The following RPS6KC1 variants were observed in gnomAD, a reference collection of about 807,000 sequenced individuals.
The protein encoded by RPS6KC1 is inactive ribosomal protein S6 kinase delta-1.
In RPS6KC1, 54 loss-of-function variants were observed where a neutral mutation model predicts 103.8. The ratio of observed to expected loss-of-function variants is 0.52; its 90% CI spans 0.42 to 0.65. RPS6KC1 has a LOEUF of 0.65. RPS6KC1 is among the 30% of genes least tolerant of loss of function. The pLI, the probability that RPS6KC1 is intolerant of heterozygous loss-of-function variation, is 0.00. For synonymous variants in RPS6KC1, 439 were observed against 438.7 expected, an observed-to-expected ratio of 1.00 and a Z score of -0.01; for missense variants, 1,151 against 1,253.8, an observed-to-expected ratio of 0.92 and a Z score of 1.24.
chr1:213,359,019 G>A, the RPS6KC1 span, among the ~76,000 whole-genome samples: 1 of 152,224 alleles, frequency 6.6e-6, no homozygotes, highest in Non-Finnish European at 1.5e-5. Flanking sequence ...ATGCTGAGAA[G>A]AATGTATATT....
chr1:213,511,651 C>A, the RPS6KC1 span, among the ~76,000 whole-genome samples: 13 of 152,298 alleles, frequency 8.5e-5, no homozygotes, highest in African/African-American at 2.4e-4. Flanking sequence ...TCTCCCTTCT[C>A]CAGCTATGCA....
At chr1:213,745,079 T>A in the RPS6KC1 span, among the ~76,000 whole-genome samples, 1 of 152,246 alleles carries the variant, frequency 6.6e-6, no homozygotes, top group Admixed American at 6.5e-5. Flanking sequence ...TTTCAGCTAA[T>A]AAGATCCTCT....
At chr1:213,390,556 T>C in the RPS6KC1 span, among the ~76,000 whole-genome samples, 1 of 152,220 alleles carries the variant, frequency 6.6e-6, no homozygotes, top group Admixed American at 6.5e-5. Flanking sequence ...TGCAAAACTC[T>C]GGTGGGACAT....
At chr1:213,599,716 C>A in the RPS6KC1 span, among the ~76,000 whole-genome samples, 1 of 152,108 alleles carries the variant, frequency 6.6e-6, no homozygotes, top group Non-Finnish European at 1.5e-5. Context: ...CCAATTGTGG[C>A]GTTTCTTGAT....
At chr1:213,400,587 G>T in the RPS6KC1 span, among the ~76,000 whole-genome samples, 1 of 152,068 alleles carries the variant, frequency 6.6e-6, no homozygotes, top group African/African-American at 2.4e-5. Context: ...GGTGACTTGC[G>T]CAAGGTCCTA....
chr1:213,565,501 G>A, the RPS6KC1 span, among the ~76,000 whole-genome samples: 3 of 152,254 alleles, frequency 2.0e-5, no homozygotes, highest in African/African-American at 7.2e-5. Context: ...AGTGAAAGAA[G>A]TCTTACATAA....
At chr1:213,211,178 A>G (rs2093494224) in intron 8 of RPS6KC1, among the ~76,000 whole-genome samples, 1 of 152,262 alleles carries the variant, frequency 6.6e-6, no homozygotes, top group Admixed American at 6.5e-5. Context: ...TAACAGTGTC[A>G]AGTTATCATC....
the RPS6KC1 span, among the ~76,000 whole-genome samples, chr1:213,426,721 TGG>T: frequency 6.6e-6 from 1 of 152,212 alleles, no homozygotes; most frequent in Non-Finnish European, 1.5e-5. Context: ...TGGAGTCTTT[TGG>T]GGCTAACACA....
chr1:213,575,690 A>G, the RPS6KC1 span, among the ~76,000 whole-genome samples: 6 of 152,178 alleles, frequency 3.9e-5, no homozygotes, highest in Admixed American at 3.3e-4. Flanking sequence ...AGTCTCAGGT[A>G]TGTATTTATT....
the RPS6KC1 span, among the ~76,000 whole-genome samples, chr1:213,313,983 A>G: frequency 6.6e-6 from 1 of 151,944 alleles, no homozygotes; most frequent in African/African-American, 2.4e-5. Flanking sequence ...ACAGAAACTT[A>G]TTCTCTCCCA....
At chr1:213,494,969 A>C in the RPS6KC1 span, among the ~76,000 whole-genome samples, 1 of 152,210 alleles carries the variant, frequency 6.6e-6, no homozygotes, top group African/African-American at 2.4e-5. Context: ...CTTGATTTAG[A>C]CTTCTTAGCT....
At chr1:213,343,436 T>TAC in the RPS6KC1 span, among the ~76,000 whole-genome samples, 20 of 86,760 alleles carry the variant, frequency 2.3e-4, 3 homozygotes, top group Admixed American at 6.6e-4. Context: ...TATATATATA[T>TAC]ATATACATAC....
In RPS6KC1 at chr1:213,176,427, C is replaced by T. The variant is rs1008665647; in HGVS notation, c.979C>T (p.Leu327Phe). 1 of 1,608,476 alleles carries T rather than the reference C, an allele frequency of 6.2e-7. No homozygotes were observed. The highest frequency in any genetic ancestry group is 8.5e-7 in the Non-Finnish European group (1 of 1,175,910). ...TCCAGGATCACTAAGTTCAAGGCCC[C>T]TTTGGAACCTAAGGAGCCCTGCCGA... is the stretch of plus-strand genomic sequence containing the variant. ...QPPGSLSSRP[L>F]WNLRSPAEEL... The change falls in exon 8 of 15, where the codon CTT becomes TTT. Residue 327 changes from leucine (L) to phenylalanine (F), a missense_variant. Coordinates refer to ENST00000366960, the MANE Select transcript of RPS6KC1 (RefSeq NM_012424.6).
chr1:213,774,887 T>C, the RPS6KC1 span, among the ~76,000 whole-genome samples: 1 of 152,238 alleles, frequency 6.6e-6, no homozygotes, highest in Admixed American at 6.5e-5. Flanking sequence ...CAGCCCGCAC[T>C]CCATGTGGGA....
chr1:213,286,110 C>T, the RPS6KC1 span, among the ~76,000 whole-genome samples: 3 of 152,066 alleles, frequency 2.0e-5, no homozygotes, highest in South Asian at 4.1e-4. Context: ...CTGATGTTGT[C>T]GAGAAGTGGT....
In RPS6KC1 at chr1:213,167,131, A is replaced by AG. The variant is rs539402934; in HGVS notation, c.836-721dup. ...TCTATGATTGGCTCAGCTCCTGACT[A>AG]GGGGGGCCCATCCTTGGCTAAATGG... On this transcript the variant is annotated intron_variant, in intron 6 of 14. Transcript: ENST00000366960. Among the ~76,000 whole-genome samples the AG allele has an allele frequency of 3.3e-5, 5 of 152,218 alleles. No individual in the cohort carries two copies. In the South Asian group the frequency reaches 8.3e-4, roughly 25 times the overall value.
chr1:213,056,793 T>G (rs1030903314), intron 1 of RPS6KC1, among the ~76,000 whole-genome samples: 60 of 152,084 alleles, frequency 3.9e-4, no homozygotes, highest in Non-Finnish European at 5.6e-4. Flanking sequence ...GAATACTCTT[T>G]CCTTTTGTCT....
At chr1:213,188,223 T>C (rs775129906) in intron 8 of RPS6KC1, among the ~76,000 whole-genome samples, 5 of 151,926 alleles carry the variant, frequency 3.3e-5, no homozygotes, top group Non-Finnish European at 5.9e-5. Context: ...TGGGGACAAG[T>C]CTCCTGCTTG....
chr1:213,783,158 G>A, the RPS6KC1 span, among the ~76,000 whole-genome samples: 1 of 152,160 alleles, frequency 6.6e-6, no homozygotes, highest in Non-Finnish European at 1.5e-5. Flanking sequence ...TCCAGACACC[G>A]CAGTATGACA....
Sources: allele counts gnomAD v4.1 joint callset (sites outside exome capture counted in the v4.1 genomes callset), GRCh38; gene constraint gnomAD v4.1.1; transcripts MANE v1.5; gene names NCBI Gene and HGNC (gene_info 2026-07-23, HGNC 2026-07-21).